The following FBXL14 variants were observed in gnomAD, a reference collection of about 807,000 sequenced individuals.
The protein encoded by FBXL14 is F-box/LRR-repeat protein 14.
A neutral mutation model predicts 24.5 loss-of-function variants in FBXL14; 11 were observed. The ratio of observed to expected loss-of-function variants is 0.45; its 90% CI spans 0.28 to 0.74. The LOEUF (loss-of-function observed/expected upper bound fraction) is 0.74, where lower values mean the gene tolerates loss of function less well. Ranked by LOEUF, FBXL14 falls within the 30% of genes least tolerant of loss-of-function variation. The pLI is 0.12. For synonymous variants in FBXL14, 294 were observed against 240.4 expected (o/e 1.22, Z -2.06); for missense variants, 384 against 545.6 (o/e 0.70, Z 2.95).
At position 1,593,336 on chromosome 12, in the gene FBXL14, G is replaced by A. The variant is rs1368242042; in HGVS notation, c.731C>T (p.Ala244Val). ...NLSFCGGISDAGLLHLSHMGS... is the reference protein window; with the variant it reads ...NLSFCGGISDVGLLHLSHMGS... ...CATGTGCGACAGGTGCAGGAGGCCA[G>A]CGTCCGAGATTCCCCCACAGAAGCT... The change falls in exon 1 of 2, where the codon GCT becomes GTT. Residue 244 changes from alanine to valine, a missense_variant. Coordinates refer to ENST00000339235, the MANE Select transcript of FBXL14 (RefSeq NM_152441.3). The surrounding 1 kb of genome is among the most constrained non-coding windows in gnomAD (Gnocchi z 7.4). The A allele has an allele frequency of 2.5e-6, 4 of 1,613,592 alleles. No individual in the cohort carries two copies. Among genetic ancestry groups the A allele is most frequent in the South Asian group, 1.1e-5 (1 of 91,084 alleles).
At chr12:1,574,594 C>T (rs1381550396) in intron 1 of FBXL14, 5 of 227,860 alleles carry the variant, frequency 2.2e-5, no homozygotes, top group Non-Finnish European at 3.5e-5. Context: ...GTAAAGGCCA[C>T]CCTGCTAAGT....
chr12:1,584,031 C>T (rs1448185892), intron 1 of FBXL14, among the ~76,000 whole-genome samples: 1 of 152,106 alleles, frequency 6.6e-6, no homozygotes, highest in Non-Finnish European at 1.5e-5. Flanking sequence ...TTGACTTTTA[C>T]CTCTTAACCC....
intron 1 of FBXL14, 101 bp downstream of exon 1, chr12:1,592,772 T>G: frequency 3.4e-5 from 35 of 1,030,224 alleles, no homozygotes; most frequent in Non-Finnish European, 4.6e-5. Flanking sequence ...TCCGCTGCAA[T>G]GATCTGTGCG....
chr12:1,593,347 T>A lies in FBXL14; in HGVS notation c.720A>T (p.Gly240=). 1 of 1,613,664 alleles carries A rather than the reference T, an allele frequency of 6.2e-7. No homozygotes were observed. The highest frequency in any genetic ancestry group is 8.5e-7 in the Non-Finnish European group (1 of 1,179,998). ...LRLLNLSFCG[G]ISDAGLLHLS... Reference sequence around the variant, plus strand: ...GGTGCAGGAGGCCAGCGTCCGAGATTCCCCCACAGAAGCTGAGGTTGAGGA... The same window carrying A: ...GGTGCAGGAGGCCAGCGTCCGAGATACCCCCACAGAAGCTGAGGTTGAGGA... The change falls in exon 1 of 2, where the codon GGA becomes GGT. Residue 240 remains glycine (G), a synonymous_variant. Coordinates refer to ENST00000339235, the MANE Select transcript of FBXL14 (RefSeq NM_152441.3). The surrounding 1 kb of genome is among the most constrained non-coding windows in gnomAD (Gnocchi z 7.4).
rs185127076 is a variant in FBXL14 at position 1,590,371 on chromosome 12, T to A, written c.1194+2502A>T. 2.1e-3 allele frequency among the ~76,000 whole-genome samples: 325 copies of A among 152,310 alleles called. 1 individual carries two copies. The highest frequency in any genetic ancestry group is 3.0e-3 in the Non-Finnish European group (203 of 68,018). On this transcript the variant is annotated intron_variant, in intron 1 of 1. Transcript: ENST00000339235. ...GAAACCTGGGTTCCAGCCCTCTTCC[T>A]GGAAAGAGGGGTTGATCCAGGAAAG...
intron 1 of FBXL14, among the ~76,000 whole-genome samples, chr12:1,591,345 TTG>T (rs759353531): frequency 2.1e-3 from 132 of 62,480 alleles, no homozygotes; most frequent in Middle Eastern, 6.2e-3. Context: ...TACAAGGCTG[TTG>T]TTTTTTTTTT....
At chr12:1,586,963 C>T (rs1163137574) in intron 1 of FBXL14, among the ~76,000 whole-genome samples, 1 of 152,154 alleles carries the variant, frequency 6.6e-6, no homozygotes, top group Non-Finnish European at 1.5e-5. Context: ...AGTGGCCGGG[C>T]GCGGTGGCTC....
chr12:1,569,225 G>A lies in FBXL14; in HGVS notation c.1195-2415C>T, dbSNP rs887630990. ...CTTTCCAGGTTGAGGAAAGGTAGTG[G>A]TTGTTTGTGAAGTGGTCATTTATTT... On this transcript the variant is annotated intron_variant, in intron 1 of 1. Transcript: ENST00000339235. The surrounding 1 kb of genome is among the most constrained non-coding windows in gnomAD (Gnocchi z 4.2). Among the ~76,000 whole-genome samples the A allele has an allele frequency of 1.3e-5, 2 of 151,870 alleles. No homozygotes were observed. The highest frequency in any genetic ancestry group is 2.9e-5 in the Non-Finnish European group (2 of 67,970).
rs1336108771 is a variant in FBXL14, at chr12:1,566,338, C to A, written c.*410G>T. 6.5e-6 allele frequency: 1 copy of A among 153,958 alleles called. No homozygotes were observed. The highest frequency in any genetic ancestry group is 2.4e-5 in the African/African-American group (1 of 41,470). The allele number at this position is 153,958 out of a possible 1,614,324, so 9.5% of individuals were successfully genotyped here. A position where few individuals can be genotyped will look rare whatever the true frequency, so the allele number is the denominator to read the frequency against. On this transcript the variant is annotated 3_prime_UTR_variant, in exon 2 of 2. Transcript: ENST00000339235. ...TAATACATATCATCATTATATATAT[C>A]ATCATCTTATATGTATATATATAAT...
intron 1 of FBXL14, among the ~76,000 whole-genome samples, chr12:1,571,877 C>T (rs1318566109): frequency 3.3e-5 from 5 of 152,202 alleles, no homozygotes; most frequent in African/African-American, 4.8e-5. Context: ...GATTGAACAC[C>T]TACTCTATAC....
intron 1 of FBXL14, among the ~76,000 whole-genome samples, chr12:1,575,119 G>C (rs1311863425): frequency 6.6e-6 from 1 of 152,004 alleles, no homozygotes; most frequent in Non-Finnish European, 1.5e-5. Context: ...AGGACTCTAA[G>C]AATAATATTT....
In FBXL14 at chr12:1,569,296, C is replaced by T. The variant is rs1272683405; in HGVS notation, c.1195-2486G>A. Among the ~76,000 whole-genome samples, 8 of 151,366 alleles carry T rather than the reference C, an allele frequency of 5.3e-5. No homozygotes were observed. Among genetic ancestry groups the T allele is most frequent in the Non-Finnish European group, 1.2e-4 (8 of 67,846 alleles). Reference sequence around the variant, plus strand: ...TTTTCTAATTCTCTCTCTCTCTCTCCCTCTCCTTCCCATTCCCTCTCCTTT... The same window carrying T: ...TTTTCTAATTCTCTCTCTCTCTCTCTCTCTCCTTCCCATTCCCTCTCCTTT... On this transcript the variant is annotated intron_variant, in intron 1 of 1. Transcript: ENST00000339235. The surrounding 1 kb of genome is among the most constrained non-coding windows in gnomAD (Gnocchi z 4.2).
At chr12:1,590,669 A>G (rs1274990304) in intron 1 of FBXL14, among the ~76,000 whole-genome samples, 1 of 152,196 alleles carries the variant, frequency 6.6e-6, no homozygotes, top group Admixed American at 6.5e-5. Flanking sequence ...AGCCTCGGCT[A>G]TTGGAAGTGC....
intron 1 of FBXL14, among the ~76,000 whole-genome samples, chr12:1,583,133 T>TA (rs921204935): frequency 4.8e-5 from 7 of 144,628 alleles, no homozygotes; most frequent in Non-Finnish European, 1.0e-4. Context: ...TAAAAAAAAT[T>TA]AAAAAAAAGA....
Position 1,566,698 on chromosome 12 carries a change from A to C in FBXL14, c.*50T>G. 1.3e-6 allele frequency: 1 copy of C among 779,990 alleles called. No individual in the cohort carries two copies. Among genetic ancestry groups the C allele is most frequent in the South Asian group, 1.3e-5 (1 of 74,328 alleles). 48.3% of individuals were successfully genotyped at this position (779,990 alleles called of 1,614,324 possible). ...AGAGTGCCGGAGGCGCAGAGCGGGC[A>C]AGTCTGGAAGTTAAAGATCCACGGG... is the stretch of plus-strand genomic sequence containing the variant. On this transcript the variant is annotated 3_prime_UTR_variant, in exon 2 of 2. Transcript: ENST00000339235.
At chr12:1,573,924 G>A (rs1482630506) in intron 1 of FBXL14, among the ~76,000 whole-genome samples, 1 of 152,002 alleles carries the variant, frequency 6.6e-6, no homozygotes, top group Non-Finnish European at 1.5e-5. Flanking sequence ...AGAATCGCTT[G>A]AACCTGGGAG....
rs199753406 is a variant in FBXL14 at position 1,593,791 on chromosome 12, G to T, written c.276C>A (p.Ile92=). Residue 92 remains isoleucine (I), a synonymous_variant, in exon 1 of 2, where the codon ATC becomes ATA. Coordinates refer to ENST00000339235, the MANE Select transcript of FBXL14 (RefSeq NM_152441.3). The surrounding 1 kb of genome is among the most constrained non-coding windows in gnomAD (Gnocchi z 7.4). ...AGCAGCCGCTGAGGTTGAGGCTCTC[G>T]ATGTTGGCCATGCCCTGGATCACGT... ...LSYVIQGMAN[I]ESLNLSGCYN... 2 of 1,614,056 alleles carry T rather than the reference G, an allele frequency of 1.2e-6. No homozygotes were observed. Among genetic ancestry groups the T allele is most frequent in the African/African-American group, 1.3e-5 (1 of 74,950 alleles).
rs1473549456 is a variant in FBXL14, at chr12:1,593,429, T to A, written c.638A>T (p.Gln213Leu). 1 of 1,613,936 alleles carries A rather than the reference T, an allele frequency of 6.2e-7. No homozygotes were observed. Among genetic ancestry groups the A allele is most frequent in the Non-Finnish European group, 8.5e-7 (1 of 1,180,028 alleles). The stretch of plus-strand genomic sequence containing the variant: ...CTTTAGAGAAAGATCTGTGAGCTTC[T>A]GGCAGTCCTGTAGCGTGAGCTGCTC... ...GLEQLTLQDC[Q>L]KLTDLSLKHI... The change falls in exon 1 of 2, where the codon CAG (glutamine) becomes CTG (leucine). Residue 213 changes from glutamine to leucine, a missense_variant. Gln to Leu is a moderately radical substitution (Grantham distance 113). Transcript: ENST00000339235. This position sits in a 1 kb window ranked among gnomAD's most constrained non-coding sequence, Gnocchi z 7.4.
rs141721204 is a variant in FBXL14, at chr12:1,591,860, C to A, written c.1194+1013G>T. ...GTAGGGCAGAATTTGCATATATAATCATCATTTTCAAGACACAATCTGCAT... is the reference window on the plus strand; with the variant it reads ...GTAGGGCAGAATTTGCATATATAATAATCATTTTCAAGACACAATCTGCAT... On this transcript the variant is annotated intron_variant, in intron 1 of 1. Coordinates refer to ENST00000339235, the MANE Select transcript of FBXL14 (RefSeq NM_152441.3). Among the ~76,000 whole-genome samples, 58 of 152,222 alleles carry A rather than the reference C, an allele frequency of 3.8e-4. 1 individual carries two copies. The East Asian group carries it at 0.011, about 29-fold the overall frequency.
Sources: allele counts gnomAD v4.1 joint callset (sites outside exome capture counted in the v4.1 genomes callset), GRCh38; gene constraint gnomAD v4.1.1; non-coding constraint Gnocchi (gnomAD v3.1); transcripts MANE v1.5; gene names NCBI Gene and HGNC (gene_info 2026-07-23, HGNC 2026-07-21).